CENPW: variants seen among roughly 807,000 people sequenced by gnomAD.
CENPW encodes the protein cancer-up-regulated gene 2 protein.
CENPW carries 3 observed loss-of-function variants against 11.1 expected under a neutral mutation model. The observed-to-expected ratio is 0.27, with a 90% CI of 0.12 to 0.70. The LOEUF (loss-of-function observed/expected upper bound fraction) is 0.70. CENPW is among the 30% of genes least tolerant of loss of function. The pLI is 0.77. For synonymous variants in CENPW, 38 were observed against 42.0 expected (o/e 0.91, Z 0.37); for missense variants, 100 against 105.6 (o/e 0.95, Z 0.23).
chr6:126,444,822 G>A, the CENPW span, among the ~76,000 whole-genome samples: 3 of 151,100 alleles, frequency 2.0e-5, no homozygotes, highest in African/African-American at 2.4e-5. Flanking sequence ...GATTTTAAAT[G>A]AAAAGGATTT....
At chr6:126,388,468 T>C in the CENPW span, among the ~76,000 whole-genome samples, 1 of 151,994 alleles carries the variant, frequency 6.6e-6, no homozygotes, top group Non-Finnish European at 1.5e-5. Context: ...CATATTGTTT[T>C]TGAAGTGGTT....
intron 1 of CENPW, among the ~76,000 whole-genome samples, chr6:126,343,065 A>G (rs551367390): frequency 7.2e-5 from 11 of 152,334 alleles, no homozygotes; most frequent in African/African-American, 1.9e-4. Flanking sequence ...CAAAAGTGCT[A>G]TGACAAAGGG....
the CENPW span, among the ~76,000 whole-genome samples, chr6:126,386,287 CT>C: frequency 6.6e-6 from 1 of 152,002 alleles, no homozygotes; most frequent in South Asian, 2.1e-4. Context: ...TATTTACTGT[CT>C]TTCAGTTATA....
At chr6:126,409,309 A>C in the CENPW span, among the ~76,000 whole-genome samples, 2 of 152,178 alleles carry the variant, frequency 1.3e-5, no homozygotes, top group Non-Finnish European at 2.9e-5. Context: ...TCAATTTTAA[A>C]AAGGATTTGT....
chr6:126,464,279 T>C, the CENPW span, among the ~76,000 whole-genome samples: 4 of 152,286 alleles, frequency 2.6e-5, no homozygotes, highest in Non-Finnish European at 4.4e-5. Context: ...TATTCATGCC[T>C]AATGAAAACT....
At chr6:126,351,524 T>A (rs1780490847), downstream of CENPW, among the ~76,000 whole-genome samples, 1 of 152,050 alleles carries the variant, frequency 6.6e-6, no homozygotes, top group African/African-American at 2.4e-5. Flanking sequence ...GAATCTAGAA[T>A]GTGGAGTTTA....
At chr6:126,478,054 C>A in the CENPW span, among the ~76,000 whole-genome samples, 1 of 152,126 alleles carries the variant, frequency 6.6e-6, no homozygotes, top group Non-Finnish European at 1.5e-5. Context: ...TCTGGCTTCA[C>A]CAGACTGTGG....
the CENPW span, among the ~76,000 whole-genome samples, chr6:126,380,250 T>G: frequency 2.6e-5 from 4 of 152,132 alleles, no homozygotes; most frequent in South Asian, 2.1e-4. Flanking sequence ...TGACTTGCTT[T>G]CAAATTGTGT....
the CENPW span, among the ~76,000 whole-genome samples, chr6:126,471,152 T>C: frequency 6.6e-6 from 1 of 152,154 alleles, no homozygotes; most frequent in Admixed American, 6.5e-5. Context: ...CCAAATCTTA[T>C]CTTGAATTGT....
the CENPW span, among the ~76,000 whole-genome samples, chr6:126,414,436 A>G: frequency 6.6e-6 from 1 of 152,172 alleles, no homozygotes; most frequent in Non-Finnish European, 1.5e-5. Flanking sequence ...CCTTTTTAAA[A>G]TTGAAATTAT....
chr6:126,466,579 G>A, the CENPW span, among the ~76,000 whole-genome samples: 1 of 152,062 alleles, frequency 6.6e-6, no homozygotes, highest in Non-Finnish European at 1.5e-5. Flanking sequence ...ATTTAATATA[G>A]ATACACTTGC....
At chr6:126,418,173 G>A in the CENPW span, among the ~76,000 whole-genome samples, 3 of 152,178 alleles carry the variant, frequency 2.0e-5, no homozygotes, top group Non-Finnish European at 4.4e-5. Context: ...CGTCTACTTT[G>A]TGCAGTAGTC....
chr6:126,448,011 A>G, the CENPW span, among the ~76,000 whole-genome samples: 3 of 151,136 alleles, frequency 2.0e-5, no homozygotes, highest in African/African-American at 2.4e-5. Flanking sequence ...GTGAGTCTCT[A>G]TTGAATTTTA....
At chr6:126,356,318 A>G in the CENPW span, among the ~76,000 whole-genome samples, 1 of 152,270 alleles carries the variant, frequency 6.6e-6, no homozygotes, top group East Asian at 1.9e-4. Flanking sequence ...AAAAAGTTCA[A>G]GAGTAGGTGA....
the CENPW span, among the ~76,000 whole-genome samples, chr6:126,462,785 T>G: frequency 6.6e-6 from 1 of 151,980 alleles, no homozygotes; most frequent in Non-Finnish European, 1.5e-5. Flanking sequence ...ACTGATGTAA[T>G]GAGCTCAGCT....
downstream of CENPW, among the ~76,000 whole-genome samples, chr6:126,353,242 A>T (rs746639334): frequency 2.7e-5 from 4 of 149,750 alleles, no homozygotes; most frequent in Non-Finnish European, 5.9e-5. Flanking sequence ...TTTTTTTAAC[A>T]ACCCGAAGAA....
chr6:126,443,712 G>C, the CENPW span, among the ~76,000 whole-genome samples: 2 of 150,948 alleles, frequency 1.3e-5, no homozygotes, highest in African/African-American at 4.9e-5. Context: ...ATGCTATAAT[G>C]CTTTCCTTGC....
chr6:126,361,346 A>G, the CENPW span, among the ~76,000 whole-genome samples: 95 of 151,682 alleles, frequency 6.3e-4, no homozygotes, highest in East Asian at 0.014. Flanking sequence ...CTCGCCCAGG[A>G]TGGAGTGCAG....
chr6:126,352,680 G>A (rs1780504838), downstream of CENPW, among the ~76,000 whole-genome samples: 3 of 151,940 alleles, frequency 2.0e-5, no homozygotes, highest in African/African-American at 7.3e-5. Context: ...CCTTTAAAGT[G>A]TGTCTCATAA....
Sources: gnomAD v4.1 joint callset for allele counts (sites outside exome capture counted in the v4.1 genomes callset) on GRCh38, gnomAD v4.1.1 for gene constraint, MANE v1.5 for transcripts, NCBI Gene and HGNC (gene_info 2026-07-23, HGNC 2026-07-21) for gene names.